CFAP54: variants seen among roughly 807,000 people sequenced by gnomAD.
CFAP54 encodes cilia- and flagella-associated protein 54.
CFAP54 carries 290 observed loss-of-function variants against 370.4 expected under a neutral mutation model. The ratio of observed to expected loss-of-function variants is 0.78; its 90% confidence interval spans 0.71 to 0.86. CFAP54 has a LOEUF of 0.86. Ranked by LOEUF, CFAP54 falls within the 40% of genes least tolerant of loss-of-function variation. CFAP54 has a pLI of 0.00. For missense variants in CFAP54, 3,399 were observed against 3,528.7 expected, an observed-to-expected ratio of 0.96 and a Z score of 0.93; for synonymous variants, 1,206 against 1,236.5, an observed-to-expected ratio of 0.98 and a Z score of 0.52.
intron 66 of CFAP54, among the ~76,000 whole-genome samples, chr12:96,833,105 G>C (rs1436435815): frequency 2.0e-5 from 3 of 152,180 alleles, no homozygotes; most frequent in Non-Finnish European, 2.9e-5. Context: ...GAAAGATGAA[G>C]GAAGGGAACG....
At chr12:96,633,061 G>T (rs815902) in intron 32 of CFAP54, among the ~76,000 whole-genome samples, 1 of 151,760 alleles carries the variant, frequency 6.6e-6, no homozygotes, top group African/African-American at 2.4e-5. Flanking sequence ...ATTTTTTTGC[G>T]TACTGATCTT....
At chr12:96,811,653 T>A in intron 63 of CFAP54, 83 bp from the exon 64 acceptor site, 1 of 706,702 alleles carries the variant, frequency 1.4e-6, no homozygotes, top group South Asian at 2.1e-5. Flanking sequence ...ACAGTGATAT[T>A]ATTTTGTGAA....
At chr12:96,599,751 A>G (rs945018810) in intron 26 of CFAP54, among the ~76,000 whole-genome samples, 1 of 152,180 alleles carries the variant, frequency 6.6e-6, no homozygotes, top group East Asian at 1.9e-4. Context: ...CATTTCTCTG[A>G]TGACCAGTGA....
intron 9 of CFAP54, among the ~76,000 whole-genome samples, chr12:96,533,503 G>C (rs1279158170): frequency 6.6e-6 from 1 of 152,130 alleles, no homozygotes; most frequent in Non-Finnish European, 1.5e-5. Context: ...TTTCCAACCT[G>C]TATCTAGGAA....
intron 45 of CFAP54, among the ~76,000 whole-genome samples, chr12:96,698,977 C>T (rs1957463822): frequency 6.6e-6 from 1 of 152,080 alleles, no homozygotes; most frequent in African/African-American, 2.4e-5. Context: ...GTCCAAATGT[C>T]CCCTATTCCC....
chr12:96,490,122 A>G (rs1312810118), intron 1 of CFAP54, among the ~76,000 whole-genome samples, 196 bp downstream of exon 1: 1 of 152,186 alleles, frequency 6.6e-6, no homozygotes, highest in Non-Finnish European at 1.5e-5. Context: ...GGGAGCTGTT[A>G]TATCTTGGCT....
In CFAP54 at chr12:96,792,347, G is replaced by A; in HGVS notation, c.8698G>A (p.Val2900Ile). The change falls in exon 63 of 68, where the codon GTA (valine) becomes ATA (isoleucine). Residue 2900 changes from valine to isoleucine, a missense_variant. Physicochemically the swap from Val to Ile is conservative, Grantham distance 29. Transcript: ENST00000524981. Reference protein sequence around the residue: ...SSAKLYRDSSVQSILSFKPVS... With the variant: ...SSAKLYRDSSIQSILSFKPVS... ...TCCCTAGTTGTATCGCGATAGTTCT[G>A]TACAATCCATTTTATCTTTTAAGCC... 6.5e-7 allele frequency: 1 copy of A among 1,534,086 alleles called. No individual in the cohort carries two copies. Among genetic ancestry groups the A allele is most frequent in the Non-Finnish European group, 8.7e-7 (1 of 1,146,058 alleles).
chr12:96,512,243 T>A (rs1409393663), intron 4 of CFAP54, among the ~76,000 whole-genome samples: 2 of 148,234 alleles, frequency 1.3e-5, no homozygotes, highest in Non-Finnish European at 3.0e-5. Context: ...TGTATTCTGA[T>A]CTTATTTGGA....
At chr12:96,748,395 A>G (rs763001234) in intron 55 of CFAP54, among the ~76,000 whole-genome samples, 5 of 151,856 alleles carry the variant, frequency 3.3e-5, no homozygotes, top group Non-Finnish European at 7.4e-5. Context: ...AATCCTAGTC[A>G]TTGTACCACT....
At chr12:96,782,622 T>C (rs1289633847) in intron 60 of CFAP54, among the ~76,000 whole-genome samples, 2 of 152,162 alleles carry the variant, frequency 1.3e-5, no homozygotes, top group African/African-American at 2.4e-5. Flanking sequence ...ACCATGTTTA[T>C]AGTTAAGAAG....
At chr12:96,793,992 T>A (rs576840873) in intron 63 of CFAP54, among the ~76,000 whole-genome samples, 1 of 152,342 alleles carries the variant, frequency 6.6e-6, no homozygotes, top group South Asian at 2.1e-4. Flanking sequence ...CCTTCATTTA[T>A]GAAGCTTAGT....
intron 64 of CFAP54, among the ~76,000 whole-genome samples, chr12:96,812,131 A>G (rs1187995257): frequency 6.6e-6 from 1 of 152,188 alleles, no homozygotes; most frequent in Non-Finnish European, 1.5e-5. Context: ...AATAATACTA[A>G]TAATAGTACT....
intron 51 of CFAP54, 87 bp from the exon 52 acceptor site, chr12:96,742,352 C>T (rs1409261266): frequency 1.2e-6 from 1 of 864,970 alleles, no homozygotes; most frequent in Non-Finnish European, 1.8e-6. Context: ...ATACCAGATG[C>T]CTTTTAAACT....
At chr12:96,634,432 C>T (rs1433629277) in intron 32 of CFAP54, among the ~76,000 whole-genome samples, 1 of 152,010 alleles carries the variant, frequency 6.6e-6, no homozygotes, top group Non-Finnish European at 1.5e-5. Flanking sequence ...TGCTCATTTT[C>T]TCATTGGATT....
chr12:96,658,423 A>C, intron 38 of CFAP54, 77 bp downstream of exon 38: 6 of 1,485,084 alleles, frequency 4.0e-6, no homozygotes, highest in Non-Finnish European at 5.6e-6. Flanking sequence ...AAGATTTAGA[A>C]GTCAGATAAA....
At chr12:96,776,298 T>C (rs34468) in intron 60 of CFAP54, among the ~76,000 whole-genome samples, 148,329 of 151,930 alleles carry the variant, frequency 0.98, 72,417 homozygotes, top group East Asian at 1. Context: ...ATATAATTTA[T>C]CCAGATTTAC....
chr12:96,605,133 A>G (rs1956287302), intron 26 of CFAP54, among the ~76,000 whole-genome samples: 2 of 151,856 alleles, frequency 1.3e-5, no homozygotes, highest in Admixed American at 6.6e-5. Context: ...TGTATATTTT[A>G]TAAGCATTAT....
chr12:96,656,828 T>C (rs568475700), intron 36 of CFAP54, among the ~76,000 whole-genome samples: 9 of 152,384 alleles, frequency 5.9e-5, no homozygotes, highest in African/African-American at 1.7e-4. Flanking sequence ...ATCAGTGAAT[T>C]ACAGTGATTG....
chr12:96,790,721 C>A (rs1958682654), intron 62 of CFAP54, among the ~76,000 whole-genome samples: 1 of 152,020 alleles, frequency 6.6e-6, no homozygotes, highest in Non-Finnish European at 1.5e-5. Context: ...TAAGCACTTA[C>A]AAATGATGAT....
Sources: gnomAD v4.1 joint callset for allele counts (sites outside exome capture counted in the v4.1 genomes callset) on GRCh38, gnomAD v4.1.1 for gene constraint, MANE v1.5 for transcripts, NCBI Gene and HGNC (gene_info 2026-07-23, HGNC 2026-07-21) for gene names.